Variants in PTCH1 observed in about 807,000 individuals in gnomAD.
PTCH1 encodes the protein protein patched homolog 1.
PTCH1 carries 14 observed loss-of-function variants against 144.6 expected under a neutral mutation model. The ratio of observed to expected loss-of-function variants is 0.10; its 90% CI spans 0.06 to 0.15. The LOEUF is 0.15. Among genes scored for constraint, PTCH1 ranks in the 10% least tolerant of loss-of-function variants. The pLI is 1.00. For missense variants in PTCH1, 1,623 were observed against 1,948.3 expected (o/e 0.83, Z 3.14); for synonymous variants, 833 against 793.6 (o/e 1.05, Z -0.83).
chr9:95,492,832 T>C (rs1339924137), intron 2 of PTCH1, among the ~76,000 whole-genome samples: 1 of 151,930 alleles, frequency 6.6e-6, no homozygotes, highest in Admixed American at 6.6e-5. Flanking sequence ...TTTTTTTCAG[T>C]AGGGCTCCCT....
At chr9:95,482,445 G>C in intron 3 of PTCH1, 1 of 555,448 alleles carries the variant, frequency 1.8e-6, no homozygotes, top group South Asian at 2.1e-5. Context: ...TACTTGAAAA[G>C]TCTTGTTTTC....
At chr9:95,460,478 C>G (rs1171379769) in intron 16 of PTCH1, among the ~76,000 whole-genome samples, 1 of 152,108 alleles carries the variant, frequency 6.6e-6, no homozygotes, top group African/African-American at 2.4e-5. Context: ...GTTTTATATA[C>G]ATAGAAAAAT....
chr9:95,449,606 T>C lies in PTCH1; in HGVS notation c.3549+235A>G. Reference sequence around the variant, plus strand: ...TCAAGGGGAAAGTCTTCATTTACTGTATAAAGATCTGTAAGACCCAGGCTG... The same window carrying C: ...TCAAGGGGAAAGTCTTCATTTACTGCATAAAGATCTGTAAGACCCAGGCTG... On this transcript the variant is annotated intron_variant, in intron 21 of 23. Coordinates refer to ENST00000331920, the MANE Select transcript of PTCH1 (RefSeq NM_000264.5). This position sits in a 1 kb window ranked among gnomAD's most constrained non-coding sequence, Gnocchi z 5.3. 3.1e-6 allele frequency: 2 copies of C among 642,006 alleles called. No homozygotes were observed. The allele number at this position is 642,006 out of a possible 1,614,324, so 39.8% of individuals were successfully genotyped here. A position where few individuals can be genotyped will look rare whatever the true frequency, so the allele number is the denominator to read the frequency against.
At chr9:95,485,567 A>T in intron 3 of PTCH1, 118 bp downstream of exon 3, 1 of 1,209,040 alleles carries the variant, frequency 8.3e-7, no homozygotes, top group Non-Finnish European at 1.2e-6. Context: ...ATTTGAACTA[A>T]TACTCCAGGT....
chr9:95,501,657 T>C (rs539268187), intron 2 of PTCH1, among the ~76,000 whole-genome samples: 1 of 152,188 alleles, frequency 6.6e-6, no homozygotes, highest in Non-Finnish European at 1.5e-5. Flanking sequence ...TGCTGCCCTC[T>C]GCAGAAAAGG....
upstream of PTCH1, among the ~76,000 whole-genome samples, chr9:95,509,974 G>A (rs1267539976): frequency 6.7e-6 from 1 of 150,162 alleles, no homozygotes; most frequent in Non-Finnish European, 1.5e-5. Flanking sequence ...AAATCCGTCT[G>A]CCCCCCAGCC....
exon 1 of PTCH1, chr9:95,516,951 A>T (rs990911118): frequency 1.2e-5 from 9 of 728,498 alleles, no homozygotes; most frequent in Non-Finnish European, 1.9e-5. Flanking sequence ...TGCTATCAGC[A>T]CAGCCCTCCT....
intron 20 of PTCH1, chr9:95,452,590 C>T (rs1374438561): frequency 1.3e-5 from 2 of 152,210 alleles, no homozygotes; most frequent in African/African-American, 4.8e-5. Context: ...AAAAGGAAAA[C>T]TCACTGTTCT....
At chr9:95,448,238 G>A (rs1302177057) in intron 22 of PTCH1, among the ~76,000 whole-genome samples, 1 of 152,244 alleles carries the variant, frequency 6.6e-6, no homozygotes, top group East Asian at 1.9e-4. Flanking sequence ...GTCGTCGCGG[G>A]GGGTAGGAGG....
At chr9:95,511,208 C>T (rs978332051), upstream of PTCH1, among the ~76,000 whole-genome samples, 43 of 150,958 alleles carry the variant, frequency 2.8e-4, no homozygotes, top group African/African-American at 1.0e-3. Context: ...GCAGGGGGCC[C>T]GTCCGCCGGC....
At chr9:95,462,213 G>A (rs747843046) in intron 15 of PTCH1, among the ~76,000 whole-genome samples, 1 of 152,112 alleles carries the variant, frequency 6.6e-6, no homozygotes, top group Non-Finnish European at 1.5e-5. Context: ...AGGGGGGAAG[G>A]AGATTATCTG....
intron 2 of PTCH1, among the ~76,000 whole-genome samples, chr9:95,499,481 G>T (rs1843003621): frequency 6.6e-6 from 1 of 151,560 alleles, no homozygotes; most frequent in African/African-American, 2.4e-5. Flanking sequence ...AGAGTGGGTG[G>T]GCGGGAGAAG....
chr9:95,502,118 T>G (rs1843189893), intron 2 of PTCH1, among the ~76,000 whole-genome samples: 1 of 152,158 alleles, frequency 6.6e-6, no homozygotes, highest in Non-Finnish European at 1.5e-5. Flanking sequence ...GGAGGCCACA[T>G]TCCTGTTCTC....
exon 1 of PTCH1, chr9:95,516,831 G>T (rs770132991): frequency 6.3e-7 from 1 of 1,592,826 alleles, no homozygotes; most frequent in African/African-American, 1.4e-5. Flanking sequence ...GGCCCTCGGC[G>T]TGGGTGGTCT....
intron 3 of PTCH1, 41 bp downstream of exon 3, chr9:95,485,644 T>C (rs1457800919): frequency 4.3e-6 from 7 of 1,612,206 alleles, no homozygotes; most frequent in Non-Finnish European, 5.9e-6. Context: ...TCCCACCGCC[T>C]TACCTGCTGC....
chr9:95,463,230 G>A (rs1414230363), intron 15 of PTCH1, among the ~76,000 whole-genome samples: 4 of 152,088 alleles, frequency 2.6e-5, no homozygotes, highest in African/African-American at 9.7e-5. Context: ...CTGAAGTGTG[G>A]GGAGGGAGGG....
intron 15 of PTCH1, 113 bp from the exon 16 acceptor site, chr9:95,462,111 A>ATG: frequency 8.3e-7 from 1 of 1,210,346 alleles, no homozygotes; most frequent in Non-Finnish European, 1.2e-6. Flanking sequence ...GACGTCCATC[A>ATG]GAAACACACC....
intron 2 of PTCH1, 59 bp downstream of exon 2, chr9:95,506,342 ATATCTC>A: frequency 6.5e-7 from 1 of 1,545,022 alleles, no homozygotes. Context: ...GCGCTGGCGA[ATATCTC>A]TATCAACCGC....
intron 16 of PTCH1, 121 bp from the exon 17 acceptor site, chr9:95,459,904 G>A (rs1318812350): frequency 9.1e-7 from 1 of 1,098,522 alleles, no homozygotes; most frequent in African/African-American, 1.5e-5. Flanking sequence ...AATGCCTACT[G>A]TTGAAAGTGT....
Sources: gnomAD v4.1 joint callset for allele counts (sites outside exome capture counted in the v4.1 genomes callset) on GRCh38, gnomAD v4.1.1 for gene constraint, Gnocchi (gnomAD v3.1) non-coding constraint, MANE v1.5 for transcripts, NCBI Gene and HGNC (gene_info 2026-07-23, HGNC 2026-07-21) for gene names.